Variants in SCN7A observed in about 807,000 individuals in gnomAD.
SCN7A encodes the protein sodium voltage-gated channel alpha subunit 7.
A neutral mutation model predicts 155.2 loss-of-function variants in SCN7A; 138 were observed. That is an observed-to-expected ratio of 0.89 (90% CI 0.77 to 1.02). The LOEUF (loss-of-function observed/expected upper bound fraction) is 1.02, where lower values mean the gene tolerates loss of function less well. Ranked by LOEUF, SCN7A falls within the 50% of genes least tolerant of loss-of-function variation. The pLI is 0.00. For synonymous variants in SCN7A, 693 were observed against 649.0 expected (o/e 1.07, Z -1.03); for missense variants, 2,058 against 1,986.6 (o/e 1.04, Z -0.68).
At chr2:166,474,930 T>G (rs908769247) in intron 3 of SCN7A, among the ~76,000 whole-genome samples, 16 of 151,176 alleles carry the variant, frequency 1.1e-4, no homozygotes, top group African/African-American at 3.9e-4. Context: ...ATTAAAATTC[T>G]AACAAAAAAT....
Position 166,477,579 on chromosome 2 carries a change from G to A in SCN7A, c.118C>T (p.Pro40Ser). ...NEDHEEEDLK[P>S]TPDLEVGKKL... ...TTGCCAACTTCCAAATCAGGAGTTG[G>A]CTTTAAGTCTTCTTCTTCATGGTCT... Residue 40 changes from proline to serine, a missense_variant, in exon 3 of 26, where the codon CCA (proline) becomes TCA (serine). Pro to Ser is a moderately conservative substitution (Grantham distance 74). Coordinates refer to ENST00000643258, the MANE Select transcript of SCN7A (RefSeq NM_002976.4). The A allele has an allele frequency of 6.3e-7, 1 of 1,586,768 alleles. No homozygotes were observed.
rs527389057 is a variant in SCN7A at position 166,404,415 on chromosome 2, C to A, written c.*1165G>T. 1.3e-5 allele frequency: 2 copies of A among 151,658 alleles called. No individual in the cohort carries two copies. Among genetic ancestry groups the A allele is most frequent in the Non-Finnish European group, 2.9e-5 (2 of 67,856 alleles). 9.4% of individuals were successfully genotyped at this position (151,658 alleles called of 1,614,324 possible). On this transcript the variant is annotated 3_prime_UTR_variant, in exon 26 of 26. Coordinates refer to ENST00000643258, the MANE Select transcript of SCN7A (RefSeq NM_002976.4). The stretch of plus-strand genomic sequence containing the variant: ...ATGATGAGATTAAAAAACTTGAAAA[C>A]GTAAATATATAAGGGAAAACTAACT...
In SCN7A at chr2:166,469,621, G is replaced by T. The variant is rs191522602; in HGVS notation, c.664+994C>A. On this transcript the variant is annotated intron_variant, in intron 7 of 25. Transcript: ENST00000643258. The stretch of plus-strand genomic sequence containing the variant: ...CAACTCTAGTGAATGAATTCTTCTT[G>T]TATTATTACAACTTGAATTCATCTG... Among the ~76,000 whole-genome samples, 3 of 151,490 alleles carry T rather than the reference G, an allele frequency of 2.0e-5. No individual in the cohort carries two copies. The East Asian group carries it at 5.8e-4, about 29-fold the overall frequency.
Position 166,494,011 on chromosome 2 carries a change from T to G in SCN7A, c.-171A>C, listed in dbSNP as rs1683173697. 6.6e-6 allele frequency: 1 copy of G among 152,308 alleles called. No individual in the cohort carries two copies. The highest frequency in any genetic ancestry group is 6.5e-5 in the Admixed American group (1 of 15,286). The allele number at this position is 152,308 out of a possible 1,614,324, so 9.4% of individuals were successfully genotyped here. ...TCTCCACCAGTGCCTGAGGGACCCT[T>G]CAGGAGCAGGGCTCCTTGGAGCCCT... On this transcript the variant is annotated 5_prime_UTR_variant, in exon 1 of 26. Coordinates refer to ENST00000643258, the MANE Select transcript of SCN7A (RefSeq NM_002976.4).
rs143328340 is a variant in SCN7A at position 166,424,565 on chromosome 2, G to A, written c.2854-1133C>T. Among the ~76,000 whole-genome samples, 38 of 152,034 alleles carry A rather than the reference G, an allele frequency of 2.5e-4. No homozygotes were observed. The East Asian group carries it at 3.1e-3, about 12-fold the overall frequency. On this transcript the variant is annotated intron_variant, in intron 18 of 25. Transcript: ENST00000643258. Reference sequence around the variant, plus strand: ...GCTAGTAACAAATTAGGCAAGATACGTAACTTAGGATAGTTCATAATAATA... The same window carrying A: ...GCTAGTAACAAATTAGGCAAGATACATAACTTAGGATAGTTCATAATAATA...
intron 9 of SCN7A, 123 bp downstream of exon 9, chr2:166,465,339 T>C: frequency 1.4e-6 from 1 of 723,814 alleles, no homozygotes; most frequent in Non-Finnish European, 2.3e-6. Flanking sequence ...CTTCTCAGTA[T>C]GGTTTTGATG....
At chr2:166,465,690 C>A (rs1702515368) in intron 8 of SCN7A, 91 bp downstream of exon 8, 1 of 1,419,004 alleles carries the variant, frequency 7.0e-7, no homozygotes, top group Admixed American at 1.8e-5. Flanking sequence ...GGGAATCTAA[C>A]AAAATGTTGA....
At chr2:166,414,159 A>T (rs1422406723) in intron 21 of SCN7A, among the ~76,000 whole-genome samples, 2 of 64,338 alleles carry the variant, frequency 3.1e-5, no homozygotes, top group African/African-American at 6.5e-5. Context: ...AAATATATAT[A>T]ATATATTATA....
Position 166,406,151 on chromosome 2 carries a change from A to G in SCN7A, c.4478T>C (p.Val1493Ala), listed in dbSNP as rs1701067076. Residue 1493 changes from valine to alanine, a missense_variant, in exon 26 of 26, where the codon GTT (valine) becomes GCT (alanine). Physicochemically the swap from Val to Ala is moderately conservative, Grantham distance 64. Coordinates refer to ENST00000643258, the MANE Select transcript of SCN7A (RefSeq NM_002976.4). ...SWLIIVNMYIVVVMEFLNIAS... is the reference protein window; with the variant it reads ...SWLIIVNMYIAVVMEFLNIAS... ...AATATTTAAAAACTCCATGACAACA[A>G]CAATGTACATATTTACAATGATCAG... The G allele has an allele frequency of 1.2e-6, 2 of 1,612,166 alleles. No individual in the cohort carries two copies. Among genetic ancestry groups the G allele is most frequent in the Non-Finnish European group, 8.5e-7 (1 of 1,178,956 alleles).
At chr2:166,438,125 C>T (rs1454233648) in intron 15 of SCN7A, among the ~76,000 whole-genome samples, 1 of 152,068 alleles carries the variant, frequency 6.6e-6, no homozygotes. Flanking sequence ...TTTCCATAAT[C>T]CTCATGTGTT....
At chr2:166,483,561 C>A (rs1006243745) in intron 2 of SCN7A, among the ~76,000 whole-genome samples, 16 of 151,744 alleles carry the variant, frequency 1.1e-4, no homozygotes, top group African/African-American at 3.6e-4. Context: ...AAGATAAATT[C>A]TAGATGGCTC....
rs1185828205 is a variant in SCN7A at position 166,403,855 on chromosome 2, T to C, written c.*1725A>G. 8 of 151,706 alleles carry C rather than the reference T, an allele frequency of 5.3e-5. No homozygotes were observed. 9.4% of individuals were successfully genotyped at this position (151,706 alleles called of 1,614,324 possible). A position where few individuals can be genotyped will look rare whatever the true frequency, so the allele number is the denominator to read the frequency against. On this transcript the variant is annotated 3_prime_UTR_variant, in exon 26 of 26. Coordinates refer to ENST00000643258, the MANE Select transcript of SCN7A (RefSeq NM_002976.4). ...TTAGATAAAGCACCAGCTGTCACATTGTCACCAAGTTAACACTGGTTCCTC... is the reference window on the plus strand; with the variant it reads ...TTAGATAAAGCACCAGCTGTCACATCGTCACCAAGTTAACACTGGTTCCTC...
At chr2:166,416,041 T>C (rs1701368540) in intron 21 of SCN7A, among the ~76,000 whole-genome samples, 1 of 152,156 alleles carries the variant, frequency 6.6e-6, no homozygotes, top group African/African-American at 2.4e-5. Flanking sequence ...GAGAGAGGTC[T>C]ATAAACAGCC....
intron 14 of SCN7A, 107 bp downstream of exon 14, chr2:166,443,396 G>T: frequency 1.2e-6 from 1 of 861,302 alleles, no homozygotes. Context: ...TTCATTTAAT[G>T]CTCCCAATGT....
Position 166,409,918 on chromosome 2 carries a change from G to T in SCN7A, c.3729C>A (p.Phe1243Leu). 2 of 1,566,458 alleles carry T rather than the reference G, an allele frequency of 1.3e-6. No individual in the cohort carries two copies. The highest frequency in any genetic ancestry group is 1.7e-6 in the Non-Finnish European group (2 of 1,154,260). Reference sequence around the variant, plus strand: ...CTTGGCTTGTTACCACATCAAAGATGAATCCTTGGAGCTTGTTCTGTGGGT... The same window carrying T: ...CTTGGCTTGTTACCACATCAAAGATTAATCCTTGGAGCTTGTTCTGTGGGT... ...VPRPLNKLQGFIFDVVTSQAF... is the reference protein window; with the variant it reads ...VPRPLNKLQGLIFDVVTSQAF... The change falls in exon 25 of 26, where the codon TTC becomes TTA. Residue 1243 changes from phenylalanine (F) to leucine (L), a missense_variant. Transcript: ENST00000643258.
At chr2:166,470,136 A>G (rs936420360) in intron 7 of SCN7A, among the ~76,000 whole-genome samples, 1 of 151,836 alleles carries the variant, frequency 6.6e-6, no homozygotes. Context: ...TAAAGTCACA[A>G]CCACATTGAT....
chr2:166,465,315 G>A (rs1396488854), intron 9 of SCN7A, 147 bp downstream of exon 9: 1 of 647,916 alleles, frequency 1.5e-6, no homozygotes, highest in Non-Finnish European at 2.7e-6. Context: ...TGCAGCCTGA[G>A]TAGACTAAGA....
rs542693797 is a variant in SCN7A at position 166,417,938 on chromosome 2, C to G, written c.3136-953G>C. 2.0e-5 allele frequency among the ~76,000 whole-genome samples: 3 copies of G among 151,694 alleles called. No individual in the cohort carries two copies. In the East Asian group the frequency reaches 5.8e-4, roughly 29 times the overall value. On this transcript the variant is annotated intron_variant, in intron 20 of 25. Transcript: ENST00000643258. ...CCTAAACTTGAATACCAGCAATAATCTATAATCACTGTCATTATTTCCTCA... is the reference window on the plus strand; with the variant it reads ...CCTAAACTTGAATACCAGCAATAATGTATAATCACTGTCATTATTTCCTCA...
At chr2:166,415,721 A>C (rs919634007) in intron 21 of SCN7A, among the ~76,000 whole-genome samples, 3 of 152,148 alleles carry the variant, frequency 2.0e-5, no homozygotes, top group African/African-American at 7.2e-5. Flanking sequence ...TTATCTTCGT[A>C]AGCTGAGGAT....
Sources: gnomAD v4.1 joint callset for allele counts (sites outside exome capture counted in the v4.1 genomes callset) on GRCh38, gnomAD v4.1.1 for gene constraint, MANE v1.5 for transcripts, NCBI Gene and HGNC (gene_info 2026-07-23, HGNC 2026-07-21) for gene names.